The following DMD variants were observed in gnomAD, a reference collection of about 807,000 sequenced individuals.
DMD encodes the protein mutant dystrophin.
DMD carries 63 observed loss-of-function variants against 330.1 expected under a neutral mutation model. That is an observed-to-expected ratio of 0.19 (90% CI 0.16 to 0.24). DMD has a LOEUF of 0.24. DMD is among the 10% of genes least tolerant of loss of function. DMD has a pLI of 1.00. For synonymous variants in DMD, 1,223 were observed against 959.8 expected (o/e 1.27, Z -5.07); for missense variants, 3,344 against 2,684.1 (o/e 1.25, Z -5.43).
rs762044034 is a variant in DMD, at chrX:31,492,170, T to C, written c.8547+4618A>G. On this transcript the variant is annotated intron_variant, in intron 57 of 78. Transcript: ENST00000357033. ...AAGAAACCCATAAAGAGCAATACAA[T>C]GTACAATTCTGGAAACATGGCAAAG... is the stretch of plus-strand genomic sequence containing the variant. Among the ~76,000 whole-genome samples the C allele has an allele frequency of 6.2e-5, 7 of 112,515 alleles. No homozygotes were observed. The South Asian group carries it at 1.5e-3, about 24-fold the overall frequency.
intron 42 of DMD, among the ~76,000 whole-genome samples, chrX:32,294,151 C>T (rs1479814620): frequency 1.2e-4 from 14 of 112,011 alleles, no homozygotes; most frequent in Non-Finnish European, 2.3e-4. Flanking sequence ...TCACTGTCTC[C>T]ATCATTCTTG....
chrX:33,235,114 C>T (rs1028538935), intron 1 of DMD, among the ~76,000 whole-genome samples: 4 of 111,844 alleles, frequency 3.6e-5, no homozygotes, highest in African/African-American at 1.3e-4. Flanking sequence ...AAGAGAATTA[C>T]GTTAAGGGAT....
At chrX:32,881,393 G>A (rs888607207) in intron 2 of DMD, among the ~76,000 whole-genome samples, 2 of 112,254 alleles carry the variant, frequency 1.8e-5, no homozygotes, top group African/African-American at 6.5e-5. Context: ...GCAATGTTAG[G>A]ACAGTATTAT....
At chrX:31,997,364 C>G (rs1273312626) in intron 44 of DMD, among the ~76,000 whole-genome samples, 1 of 110,061 alleles carries the variant, frequency 9.1e-6, no homozygotes, top group East Asian at 2.9e-4. Context: ...ATTCTCAGGT[C>G]TCGCACCAGA....
intron 44 of DMD, among the ~76,000 whole-genome samples, chrX:32,123,837 C>T (rs1336723942): frequency 8.9e-6 from 1 of 111,844 alleles, no homozygotes. Flanking sequence ...ACTTTATTCT[C>T]GATTGGTAGA....
intron 11 of DMD, among the ~76,000 whole-genome samples, chrX:32,616,458 A>T (rs907436383): frequency 3.6e-5 from 4 of 110,992 alleles, no homozygotes; most frequent in African/African-American, 1.3e-4. Context: ...CTTTGGGCTA[A>T]ATCCAATACT....
intron 51 of DMD, among the ~76,000 whole-genome samples, chrX:31,755,536 A>G (rs912164040): frequency 9.0e-6 from 1 of 111,379 alleles, no homozygotes; most frequent in African/African-American, 3.3e-5. Flanking sequence ...CTATTATACT[A>G]AAGTTTTGCT....
At chrX:32,777,834 TAAGTATC>T (rs774416253) in intron 7 of DMD, among the ~76,000 whole-genome samples, 9 of 112,656 alleles carry the variant, frequency 8.0e-5, no homozygotes, top group African/African-American at 2.3e-4. Flanking sequence ...GAAATCCTTT[TAAGTATC>T]AAGTATACAT....
At chrX:32,498,233 T>C (rs2043693392) in intron 19 of DMD, among the ~76,000 whole-genome samples, 3 of 111,340 alleles carry the variant, frequency 2.7e-5, no homozygotes, top group South Asian at 7.5e-4. Context: ...TCCAAAAATG[T>C]CTCTAGTAAA....
intron 2 of DMD, among the ~76,000 whole-genome samples, chrX:32,972,414 A>C (rs2092414995): frequency 1.8e-5 from 2 of 111,073 alleles, no homozygotes; most frequent in Admixed American, 9.6e-5. Flanking sequence ...TCCTGAGCTC[A>C]AGTGATCTGC....
intron 15 of DMD, among the ~76,000 whole-genome samples, chrX:32,566,508 T>C (rs773940123): frequency 1.1e-3 from 129 of 112,862 alleles, no homozygotes; most frequent in African/African-American, 4.0e-3. Flanking sequence ...GTTATTTGAG[T>C]AATTATTTTT....
intron 20 of DMD, among the ~76,000 whole-genome samples, chrX:32,488,385 C>T (rs1217455916): frequency 1.8e-5 from 2 of 111,138 alleles, no homozygotes; most frequent in African/African-American, 6.5e-5. Flanking sequence ...CTAACCCCCA[C>T]AATATTAAAA....
chrX:31,477,283 GGAA>G lies in DMD; in HGVS notation c.8937+820_8937+822del, dbSNP rs1424400151. On this transcript the variant is annotated intron_variant, in intron 59 of 78. Transcript: ENST00000357033. ...TAGGAGAAGAATCTAGAAAAATATA[GGAA>G]GAAGAACATGGATGGAACAGTTCCA... Among the ~76,000 whole-genome samples, 4 of 111,356 alleles carry G rather than the reference GGAA, an allele frequency of 3.6e-5. No individual in the cohort carries two copies. In the East Asian group the frequency reaches 1.1e-3, roughly 31 times the overall value.
chrX:31,321,225 A>G (rs1249943413), intron 62 of DMD, among the ~76,000 whole-genome samples: 1 of 111,671 alleles, frequency 9.0e-6, no homozygotes, highest in Non-Finnish European at 1.9e-5. Flanking sequence ...AGTCATGCTC[A>G]TTACGTCTTA....
chrX:33,006,761 A>G (rs1270596855), intron 2 of DMD, among the ~76,000 whole-genome samples: 1 of 110,797 alleles, frequency 9.0e-6, no homozygotes. Flanking sequence ...GAAAATAAAT[A>G]CTCCTTCCAT....
intron 18 of DMD, among the ~76,000 whole-genome samples, chrX:32,504,730 G>A (rs771515408): frequency 1.5e-4 from 17 of 111,125 alleles, no homozygotes; most frequent in African/African-American, 5.6e-4. Flanking sequence ...ATATAAAGAT[G>A]GGAACAAGAA....
chrX:33,284,985 C>T (rs1484859294), intron 1 of DMD, among the ~76,000 whole-genome samples: 1 of 109,792 alleles, frequency 9.1e-6, no homozygotes, highest in Admixed American at 9.8e-5. Context: ...TCCTGCTCTT[C>T]AAAGCAACAT....
intron 63 of DMD, among the ~76,000 whole-genome samples, chrX:31,249,216 A>G (rs770974663): frequency 9.0e-6 from 1 of 111,546 alleles, no homozygotes; most frequent in Non-Finnish European, 1.9e-5. Flanking sequence ...CCACTACCAC[A>G]GACTAGTACC....
intron 55 of DMD, among the ~76,000 whole-genome samples, chrX:31,564,600 C>T (rs1394121343): frequency 9.0e-6 from 1 of 111,370 alleles, no homozygotes; most frequent in Non-Finnish European, 1.9e-5. Context: ...AAAATGATCA[C>T]CTAGTGGAAA....
Sources: gnomAD v4.1 joint callset for allele counts (sites outside exome capture counted in the v4.1 genomes callset) on GRCh38, gnomAD v4.1.1 for gene constraint, MANE v1.5 for transcripts, NCBI Gene and HGNC (gene_info 2026-07-23, HGNC 2026-07-21) for gene names.